The following CFAP46 variants were observed in gnomAD, a reference collection of about 807,000 sequenced individuals.
CFAP46 encodes cilia and flagella associated protein 46.
CFAP46 carries 245 observed loss-of-function variants against 325.7 expected under a neutral mutation model. That is an observed-to-expected ratio of 0.75 (90% confidence interval 0.68 to 0.84). The LOEUF (loss-of-function observed/expected upper bound fraction) is 0.84. Among genes scored for constraint, CFAP46 ranks in the 40% least tolerant of loss-of-function variants. CFAP46 has a pLI of 0.00. For missense variants in CFAP46, 3,346 were observed against 3,543.0 expected (o/e 0.94, Z 1.41); for synonymous variants, 1,523 against 1,495.9 (o/e 1.02, Z -0.42).
chr10:132,923,599 G>A lies in CFAP46; in HGVS notation c.1257-891C>T, dbSNP rs184573237. ...CACGCAGCCCTTGTGGGGGTGCCCC[G>A]GACCCCCGGCCTCGAGCAGGCTGTG... is the stretch of plus-strand genomic sequence containing the variant. On this transcript the variant is annotated intron_variant, in intron 11 of 57. Transcript: ENST00000368586. 2.5e-4 allele frequency among the ~76,000 whole-genome samples: 38 copies of A among 152,100 alleles called. No individual in the cohort carries two copies. The East Asian group carries it at 5.4e-3, about 22-fold the overall frequency.
chr10:132,821,728 G>A (rs574378306), intron 50 of CFAP46, among the ~76,000 whole-genome samples: 16 of 124,182 alleles, frequency 1.3e-4, no homozygotes, highest in African/African-American at 3.0e-4. Context: ...GTGTGCTGAC[G>A]TGTGCTGTGT....
At position 132,885,808 on chromosome 10, in the gene CFAP46, G is replaced by A. The variant is rs1014714899; in HGVS notation, c.3443+13C>T. On this transcript the variant is annotated intron_variant, in intron 26 of 57. Transcript: ENST00000368586. Reference sequence around the variant, plus strand: ...TGGAGGGAGCACTCACAGGCGGTGGGGGGAGCACTCACAGGCGGTGGGCCG... The same window carrying A: ...TGGAGGGAGCACTCACAGGCGGTGGAGGGAGCACTCACAGGCGGTGGGCCG... The A allele has an allele frequency of 1.5e-4, 235 of 1,537,762 alleles. No homozygotes were observed. The highest frequency in any genetic ancestry group is 1.2e-3 in the Middle Eastern group (6 of 5,158).
chr10:132,929,550 C>T (rs1303063236), intron 9 of CFAP46, 155 bp downstream of exon 9: 1 of 810,748 alleles, frequency 1.2e-6, no homozygotes, highest in South Asian at 1.3e-5. Context: ...TGCAACTGTG[C>T]AAAACACAGG....
At chr10:132,865,999 G>C (rs2135273611) in intron 35 of CFAP46, 26 bp downstream of exon 35, 1 of 1,476,722 alleles carries the variant, frequency 6.8e-7, no homozygotes, top group East Asian at 2.6e-5. Flanking sequence ...GCTGTGGATG[G>C]TGATGGGCTG....
At chr10:132,885,355 G>T in intron 26 of CFAP46, 69 bp from the exon 27 acceptor site, 1 of 1,412,270 alleles carries the variant, frequency 7.1e-7, no homozygotes, top group Non-Finnish European at 9.5e-7. Flanking sequence ...GGGTGATGCA[G>T]CCCGGACTTA....
chr10:132,836,728 G>A, intron 45 of CFAP46, 89 bp downstream of exon 45: 1 of 1,093,262 alleles, frequency 9.1e-7, no homozygotes, highest in Non-Finnish European at 1.4e-6. Flanking sequence ...GGGTGGGGCT[G>A]AGGTGTGGGC....
Position 132,908,631 on chromosome 10 carries a change from C to A in CFAP46, c.2761G>T (p.Val921Leu), listed in dbSNP as rs1273840116. The change falls in exon 22 of 58, where the codon GTG becomes TTG. Residue 921 changes from valine (V) to leucine (L), a missense_variant. By Grantham distance (32) the Val-to-Leu change is conservative. Transcript: ENST00000368586. Reference protein sequence around the residue: ...DFTVPSLAQLVKMASECNWSD... With the variant: ...DFTVPSLAQLLKMASECNWSD... ...CAGTTGCACTCGGAAGCCATTTTCA[C>A]CAACTTCCGGTGGGTGGCAAGAGAA... The A allele has an allele frequency of 2.0e-6, 3 of 1,533,356 alleles. No individual in the cohort carries two copies. The highest frequency in any genetic ancestry group is 1.4e-5 in the African/African-American group (1 of 72,522). The allele number at this position is 1,533,356 out of a possible 1,614,324, so 95.0% of individuals were successfully genotyped here. A position where few individuals can be genotyped will look rare whatever the true frequency, so the allele number is the denominator to read the frequency against.
At chr10:132,922,354 C>G (rs1009648610) in intron 12 of CFAP46, 126 bp downstream of exon 12, 3 of 1,452,120 alleles carry the variant, frequency 2.1e-6, no homozygotes, top group Admixed American at 2.4e-5. Context: ...AGTGACAGCT[C>G]GGTCCCAGGC....
chr10:132,876,320 C>T lies in CFAP46; in HGVS notation c.4362+492G>A, dbSNP rs886225767. Among the ~76,000 whole-genome samples, 2 of 152,306 alleles carry T rather than the reference C, an allele frequency of 1.3e-5. No individual in the cohort carries two copies. Among genetic ancestry groups the T allele is most frequent in the African/African-American group, 2.4e-5 (1 of 41,568 alleles). On this transcript the variant is annotated intron_variant, in intron 31 of 57. Coordinates refer to ENST00000368586, the MANE Select transcript of CFAP46 (RefSeq NM_001200049.3). The surrounding 1 kb of genome is among the most constrained non-coding windows in gnomAD (Gnocchi z 4.1). ...GCAGGTGGAGATGGTCCAGGTGTGC[C>T]CTAAATGCAATTCTGTGGGAGGGAG...
intron 17 of CFAP46, 63 bp from the exon 18 acceptor site, chr10:132,913,321 G>GA: frequency 4.3e-6 from 5 of 1,169,992 alleles, no homozygotes; most frequent in Non-Finnish European, 5.8e-6. Context: ...CAGGCACCAG[G>GA]AAGGCTGCGG....
At chr10:132,835,132 C>A (rs7099254) in intron 47 of CFAP46, among the ~76,000 whole-genome samples, 172 bp downstream of exon 47, 8,717 of 152,354 alleles carry the variant, frequency 0.057, 292 homozygotes, top group Non-Finnish European at 0.075. Context: ...GTTCTCCCCC[C>A]ACATGGAGCT....
At chr10:132,839,763 C>T (rs939604175) in intron 44 of CFAP46, among the ~76,000 whole-genome samples, 2 of 152,130 alleles carry the variant, frequency 1.3e-5, no homozygotes, top group Non-Finnish European at 2.9e-5. Flanking sequence ...GGTGATTTTG[C>T]GATTTGTCTC....
Position 132,814,675 on chromosome 10 carries a change from T to C in CFAP46, c.7249+11A>G, listed in dbSNP as rs112751827. 5.1e-5 allele frequency: 81 copies of C among 1,594,868 alleles called. 1 individual carries two copies. In the African/African-American group the frequency reaches 5.5e-4, roughly 11 times the overall value. ...GGGTCTGGGGCCCCCCCGGGGCCCATCAAAGGATACACTTGAAGTTGTCTG... is the reference window on the plus strand; with the variant it reads ...GGGTCTGGGGCCCCCCCGGGGCCCACCAAAGGATACACTTGAAGTTGTCTG... On this transcript the variant is annotated intron_variant, in intron 52 of 57. Coordinates refer to ENST00000368586, the MANE Select transcript of CFAP46 (RefSeq NM_001200049.3).
At position 132,881,001 on chromosome 10, in the gene CFAP46, T is replaced by C. The variant is rs544023876; in HGVS notation, c.3659A>G (p.Tyr1220Cys). ...GAGCCACTGGCCGAACTCCATGAGG[T>C]ACTCCACCTTCTGCCACTCCATCTC... ...KPEMEWQKVE[Y>C]LMEFGQWLHH... Residue 1220 changes from tyrosine (Y) to cysteine (C), a missense_variant, in exon 28 of 58, where the codon TAC becomes TGC. Physicochemically the swap from Tyr to Cys is radical, Grantham distance 194 (BLOSUM62 -2). Transcript: ENST00000368586. 4 of 1,550,454 alleles carry C rather than the reference T, an allele frequency of 2.6e-6. No individual in the cohort carries two copies. In the Middle Eastern group the frequency reaches 6.7e-4, roughly 259 times the overall value.
chr10:132,918,308 C>T, intron 16 of CFAP46, 85 bp downstream of exon 16: 1 of 826,962 alleles, frequency 1.2e-6, no homozygotes, highest in Non-Finnish European at 1.6e-6. Context: ...ATGAACGCCC[C>T]TCTCCACGAC....
chr10:132,841,992 G>C (rs932327358), intron 44 of CFAP46, among the ~76,000 whole-genome samples: 2 of 152,218 alleles, frequency 1.3e-5, no homozygotes, highest in African/African-American at 4.8e-5. Context: ...CTTCCTCTCT[G>C]TGCTGACTTT....
chr10:132,844,960 C>A lies in CFAP46; in HGVS notation c.6438+1097G>T, dbSNP rs150873887. 2.5e-4 allele frequency among the ~76,000 whole-genome samples: 38 copies of A among 152,298 alleles called. No homozygotes were observed. The East Asian group carries it at 6.8e-3, about 27-fold the overall frequency. ...CCTCGAACTCCTGGGCTCAAGTGATCCTCCTGCCTCAGGCTCCTGAGTAAC... is the reference window on the plus strand; with the variant it reads ...CCTCGAACTCCTGGGCTCAAGTGATACTCCTGCCTCAGGCTCCTGAGTAAC... On this transcript the variant is annotated intron_variant, in intron 44 of 57. Coordinates refer to ENST00000368586, the MANE Select transcript of CFAP46 (RefSeq NM_001200049.3).
At chr10:132,929,830 C>T in intron 8 of CFAP46, 26 bp from the exon 9 acceptor site, 1 of 1,577,556 alleles carries the variant, frequency 6.3e-7, no homozygotes, top group Non-Finnish European at 8.7e-7. Context: ...CCAGCCAGCA[C>T]CGGCTCAATA....
chr10:132,938,883 G>A (rs773231937), intron 4 of CFAP46, 130 bp from the exon 5 acceptor site: 140 of 753,774 alleles, frequency 1.9e-4, no homozygotes, highest in Non-Finnish European at 2.7e-4. Context: ...GCAGATGGCA[G>A]CAGCCCCACC....
Sources: allele counts gnomAD v4.1 joint callset (sites outside exome capture counted in the v4.1 genomes callset), GRCh38; gene constraint gnomAD v4.1.1; non-coding constraint Gnocchi (gnomAD v3.1); transcripts MANE v1.5; gene names NCBI Gene and HGNC (gene_info 2026-07-23, HGNC 2026-07-21).